ADD1: variants seen among roughly 807,000 people sequenced by gnomAD.
ADD1 encodes the protein adducin 1.
ADD1 carries 24 observed loss-of-function variants against 80.5 expected under a neutral mutation model. The ratio of observed to expected loss-of-function variants is 0.30; its 90% CI spans 0.22 to 0.42. The LOEUF (loss-of-function observed/expected upper bound fraction) is 0.42. ADD1 is among the 10% of genes least tolerant of loss of function. ADD1 has a pLI of 1.00. For synonymous variants in ADD1, 373 were observed against 393.8 expected (o/e 0.95, Z 0.63); for missense variants, 948 against 1,019.0 (o/e 0.93, Z 0.95).
At position 2,894,615 on chromosome 4, in the gene ADD1, C is replaced by G. The variant is rs765125624; in HGVS notation, c.625C>G (p.Arg209Gly). Residue 209 changes from arginine (R) to glycine (G), a missense_variant, in exon 6 of 16, where the codon CGT (arginine) becomes GGT (glycine). Transcript: ENST00000683351. Reference sequence around the variant, plus strand: ...CAATCTACAAGGAGATATAGTAGATCGTGGAAGCACTAATCTGGGAGTGAA... The same window carrying G: ...CAATCTACAAGGAGATATAGTAGATGGTGGAAGCACTAATCTGGGAGTGAA... ...KINLQGDIVD[R>G]GSTNLGVNQA... 6.2e-7 allele frequency: 1 copy of G among 1,608,762 alleles called. No homozygotes were observed. The highest frequency in any genetic ancestry group is 8.5e-7 in the Non-Finnish European group (1 of 1,178,294).
intron 9 of ADD1, 122 bp from the exon 10 acceptor site, chr4:2,904,642 T>A: frequency 1.2e-6 from 1 of 852,310 alleles, no homozygotes; most frequent in Middle Eastern, 2.5e-4. Context: ...AGGAGTGGAA[T>A]TACTGAGTCA....
intron 13 of ADD1, among the ~76,000 whole-genome samples, chr4:2,911,448 A>ATAT (rs553567632): frequency 1.0e-3 from 135 of 130,494 alleles, no homozygotes; most frequent in African/African-American, 2.5e-3. Context: ...ATATATATAT[A>ATAT]TTTTTTTTTT....
At chr4:2,906,811 C>CT (rs1188281188) in intron 10 of ADD1, among the ~76,000 whole-genome samples, 1 of 152,236 alleles carries the variant, frequency 6.6e-6, no homozygotes, top group Admixed American at 6.5e-5. Context: ...ATTCCACACT[C>CT]TCCTCGCAGT....
intron 4 of ADD1, among the ~76,000 whole-genome samples, chr4:2,889,887 C>T (rs1166482206): frequency 1.3e-5 from 2 of 151,844 alleles, no homozygotes; most frequent in Non-Finnish European, 2.9e-5. Flanking sequence ...AGGTTTGTCC[C>T]ACATGTAGCC....
chr4:2,865,172 G>GT lies in ADD1; in HGVS notation c.-20-10714dup, dbSNP rs896384592. Among the ~76,000 whole-genome samples the GT allele has an allele frequency of 4.1e-3, 583 of 142,730 alleles. 13 individuals carry two copies. The East Asian group carries it at 0.048, about 12-fold the overall frequency. 93.6% of individuals were successfully genotyped at this position (142,730 alleles called of 152,430 possible). ...TGCCATACATACACTATTTTCTCTTGTTTTTTTTTTCCTGCCTGACAGTAT... is the reference window on the plus strand; with the variant it reads ...TGCCATACATACACTATTTTCTCTTGTTTTTTTTTTTCCTGCCTGACAGTAT... On this transcript the variant is annotated intron_variant, in intron 1 of 15. Coordinates refer to ENST00000683351, the MANE Select transcript of ADD1 (RefSeq NM_001354761.2).
At chr4:2,871,175 G>A (rs1454119694) in intron 1 of ADD1, among the ~76,000 whole-genome samples, 4 of 151,988 alleles carry the variant, frequency 2.6e-5, no homozygotes, top group Admixed American at 2.6e-4. Flanking sequence ...GTTTCACCGT[G>A]TTAGCCAGGA....
chr4:2,845,465 CA>C (rs995060708), intron 1 of ADD1, among the ~76,000 whole-genome samples: 1 of 152,148 alleles, frequency 6.6e-6, no homozygotes, highest in African/African-American at 2.4e-5. Context: ...TTTGGGCAGT[CA>C]AAACTGCTTT....
chr4:2,866,208 C>G (rs1729519729), intron 1 of ADD1, among the ~76,000 whole-genome samples: 1 of 152,184 alleles, frequency 6.6e-6, no homozygotes, highest in Non-Finnish European at 1.5e-5. Context: ...CCTCTGTTCC[C>G]CAGGCTGGAG....
intron 9 of ADD1, chr4:2,899,764 C>T: frequency 2.6e-6 from 1 of 384,130 alleles, no homozygotes; most frequent in Non-Finnish European, 4.9e-6. Flanking sequence ...AGAGAGGTGG[C>T]ACTTTTGAAA....
At chr4:2,874,019 G>A (rs529404423) in intron 1 of ADD1, among the ~76,000 whole-genome samples, 2 of 152,060 alleles carry the variant, frequency 1.3e-5, no homozygotes, top group South Asian at 4.2e-4. Context: ...AGACCAGCCC[G>A]GGCAACATAG....
intron 14 of ADD1, among the ~76,000 whole-genome samples, chr4:2,918,293 G>A (rs1423929527): frequency 1.3e-5 from 2 of 152,210 alleles, no homozygotes; most frequent in Non-Finnish European, 2.9e-5. Flanking sequence ...GTGAATGGGA[G>A]TTCACTCATG....
rs2857868 is a variant in ADD1, at chr4:2,896,986, C to A, written c.742-1198C>A. On this transcript the variant is annotated intron_variant, in intron 6 of 15. Coordinates refer to ENST00000683351, the MANE Select transcript of ADD1 (RefSeq NM_001354761.2). ...TGTTGACCAGGCTGGTCTCGAACTCCTGGCTTCAAGTGATCTGCCCACCTT... is the reference window on the plus strand; with the variant it reads ...TGTTGACCAGGCTGGTCTCGAACTCATGGCTTCAAGTGATCTGCCCACCTT... Among the ~76,000 whole-genome samples, 197 of 152,298 alleles carry A rather than the reference C, an allele frequency of 1.3e-3. 2 individuals carry two copies. Among genetic ancestry groups the A allele is most frequent in the Non-Finnish European group, 1.1e-3 (75 of 68,030 alleles).
chr4:2,866,027 A>G (rs1185522122), intron 1 of ADD1, among the ~76,000 whole-genome samples: 1 of 152,228 alleles, frequency 6.6e-6, no homozygotes, highest in African/African-American at 2.4e-5. Flanking sequence ...CAATTGCGAG[A>G]TAGCATACTT....
intron 14 of ADD1, among the ~76,000 whole-genome samples, chr4:2,924,504 C>T (rs888784966): frequency 6.6e-6 from 1 of 152,222 alleles, no homozygotes; most frequent in African/African-American, 2.4e-5. Context: ...GTGTGCTTCT[C>T]AGTCCTCCGG....
At chr4:2,872,080 C>T (rs1056998781) in intron 1 of ADD1, among the ~76,000 whole-genome samples, 6 of 152,040 alleles carry the variant, frequency 3.9e-5, no homozygotes, top group Non-Finnish European at 8.8e-5. Context: ...ATTAGGAGGC[C>T]GTTGAGTGTC....
chr4:2,850,511 T>C (rs947858328), intron 1 of ADD1, among the ~76,000 whole-genome samples: 4 of 152,094 alleles, frequency 2.6e-5, no homozygotes, highest in South Asian at 2.1e-4. Context: ...CTGCAAGCTC[T>C]GCCTCCCGGG....
intron 1 of ADD1, among the ~76,000 whole-genome samples, chr4:2,849,441 G>T (rs1726734141): frequency 6.6e-6 from 1 of 152,186 alleles, no homozygotes. Flanking sequence ...ATCTGGGGCT[G>T]ACGTTAGGGG....
chr4:2,885,650 C>G (rs1247458739), intron 4 of ADD1, among the ~76,000 whole-genome samples: 1 of 151,692 alleles, frequency 6.6e-6, no homozygotes, highest in Non-Finnish European at 1.5e-5. Context: ...TGCTCTGTTG[C>G]CCAGGCTGGA....
intron 9 of ADD1, chr4:2,899,763 G>A (rs1735870944): frequency 2.6e-6 from 1 of 383,628 alleles, no homozygotes. Context: ...GAGAGAGGTG[G>A]CACTTTTGAA....
Sources: gnomAD v4.1 joint callset for allele counts (sites outside exome capture counted in the v4.1 genomes callset) on GRCh38, gnomAD v4.1.1 for gene constraint, MANE v1.5 for transcripts, NCBI Gene and HGNC (gene_info 2026-07-23, HGNC 2026-07-21) for gene names.